DGKB: variants seen among roughly 807,000 people sequenced by gnomAD.
The protein encoded by DGKB is diacylglycerol kinase beta.
In DGKB, 67 loss-of-function variants were observed where a neutral mutation model predicts 114.3. The ratio of observed to expected loss-of-function variants is 0.59; its 90% CI spans 0.48 to 0.72. The LOEUF is 0.72. DGKB is among the 30% of genes least tolerant of loss of function. The pLI, the probability that DGKB is intolerant of heterozygous loss-of-function variation, is 0.00. For synonymous variants in DGKB, 398 were observed against 323.1 expected (o/e 1.23, Z -2.49); for missense variants, 907 against 975.2 (o/e 0.93, Z 0.93).
At chr7:14,649,467 G>C (rs1022845203) in intron 13 of DGKB, among the ~76,000 whole-genome samples, 1 of 151,422 alleles carries the variant, frequency 6.6e-6, no homozygotes, top group Admixed American at 6.6e-5. Flanking sequence ...TCACCACCAG[G>C]CCTGCCTTAC....
chr7:14,487,658 AGTGCAGTG>A (rs1784024477), intron 20 of DGKB, among the ~76,000 whole-genome samples: 1 of 112,572 alleles, frequency 8.9e-6, no homozygotes, highest in Non-Finnish European at 2.3e-5. Context: ...CATTGGCTGC[AGTGCAGTG>A]CAATAGCTCA....
Position 14,704,739 on chromosome 7 carries a change from T to C in DGKB, c.467-3009A>G, listed in dbSNP as rs12381341. 6.9e-3 allele frequency among the ~76,000 whole-genome samples: 1,051 copies of C among 151,586 alleles called. 15 individuals are homozygous for C. Among genetic ancestry groups the C allele is most frequent in the African/African-American group, 0.023 (962 of 41,326 alleles). ...CACCTCACACGGCAGGGTATTCCAA[T>C]AGACCTGCAGCTGAGGGTCCTGTCT... On this transcript the variant is annotated intron_variant, in intron 6 of 25. Transcript: ENST00000402815.
At chr7:14,709,932 A>G (rs1366344592) in intron 6 of DGKB, among the ~76,000 whole-genome samples, 1 of 151,154 alleles carries the variant, frequency 6.6e-6, no homozygotes, top group East Asian at 2.0e-4. Context: ...TAACCTGCAC[A>G]ATGTGCACAT....
intron 21 of DGKB, among the ~76,000 whole-genome samples, chr7:14,462,390 T>A (rs1470859968): frequency 1.3e-5 from 2 of 152,146 alleles, no homozygotes; most frequent in African/African-American, 2.4e-5. Context: ...CTTAAGCTGA[T>A]AAGCAACTTC....
chr7:14,169,897 A>G (rs1780595000), intron 25 of DGKB, among the ~76,000 whole-genome samples: 2 of 152,092 alleles, frequency 1.3e-5, no homozygotes, highest in South Asian at 2.1e-4. Context: ...CACTTTGGGC[A>G]GCCAAGGTGG....
At chr7:14,567,941 C>A (rs1185995409) in intron 20 of DGKB, among the ~76,000 whole-genome samples, 1 of 151,614 alleles carries the variant, frequency 6.6e-6, no homozygotes, top group East Asian at 1.9e-4. Context: ...TCCCATAACC[C>A]TAGAGCCTGA....
chr7:14,968,085 G>A (rs533764910), intron 1 of DGKB, among the ~76,000 whole-genome samples: 4 of 151,860 alleles, frequency 2.6e-5, no homozygotes, highest in South Asian at 2.1e-4. Flanking sequence ...TAATGCTACC[G>A]GTTGCAAATA....
At chr7:14,926,963 T>C (rs1019482608) in intron 1 of DGKB, among the ~76,000 whole-genome samples, 1 of 152,030 alleles carries the variant, frequency 6.6e-6, no homozygotes, top group Non-Finnish European at 1.5e-5. Context: ...TGAATATAAT[T>C]CTGAGCTTTC....
At chr7:14,276,675 T>C (rs1315022491) in intron 23 of DGKB, among the ~76,000 whole-genome samples, 2 of 121,370 alleles carry the variant, frequency 1.6e-5, no homozygotes, top group East Asian at 2.5e-4. Flanking sequence ...TTAAGTATTA[T>C]AAAAATAGTA....
At chr7:14,264,438 T>G (rs1797207751) in intron 23 of DGKB, among the ~76,000 whole-genome samples, 1 of 152,136 alleles carries the variant, frequency 6.6e-6, no homozygotes, top group Admixed American at 6.6e-5. Context: ...GTTGCTTTGT[T>G]TTTTTAGGCA....
intron 2 of DGKB, among the ~76,000 whole-genome samples, chr7:14,797,631 T>A (rs916669706): frequency 6.6e-6 from 1 of 152,132 alleles, no homozygotes; most frequent in South Asian, 2.1e-4. Flanking sequence ...AAAGGAATAT[T>A]TACCATCTAT....
At chr7:14,237,120 T>TA (rs1252158757) in intron 23 of DGKB, among the ~76,000 whole-genome samples, 1 of 152,026 alleles carries the variant, frequency 6.6e-6, no homozygotes, top group East Asian at 1.9e-4. Flanking sequence ...AGTCCAGCGT[T>TA]ACACTTGCCT....
At chr7:14,180,653 G>A (rs1447046014) in intron 23 of DGKB, among the ~76,000 whole-genome samples, 1 of 152,152 alleles carries the variant, frequency 6.6e-6, no homozygotes, top group African/African-American at 2.4e-5. Flanking sequence ...TGTGTTGCAC[G>A]AATTTGCCCC....
intron 13 of DGKB, among the ~76,000 whole-genome samples, chr7:14,648,174 G>A (rs1328119258): frequency 2.0e-5 from 3 of 152,216 alleles, no homozygotes; most frequent in African/African-American, 7.2e-5. Flanking sequence ...GCCTCTGTAG[G>A]CTCCACCTCT....
At chr7:14,919,847 T>C (rs1784429784) in intron 1 of DGKB, among the ~76,000 whole-genome samples, 1 of 152,094 alleles carries the variant, frequency 6.6e-6, no homozygotes, top group African/African-American at 2.4e-5. Flanking sequence ...TCCTCCCCTC[T>C]CTCTTGCTCC....
intron 1 of DGKB, among the ~76,000 whole-genome samples, chr7:14,871,822 G>A (rs939483528): frequency 2.6e-5 from 4 of 152,080 alleles, no homozygotes; most frequent in South Asian, 4.1e-4. Flanking sequence ...GTGATGGATG[G>A]CATCATGCAG....
chr7:14,666,685 T>A (rs1013329573), intron 13 of DGKB, among the ~76,000 whole-genome samples: 3 of 151,888 alleles, frequency 2.0e-5, no homozygotes, highest in Non-Finnish European at 4.4e-5. Flanking sequence ...AGGGGAGGAT[T>A]TAAGGAAATC....
Position 14,686,737 on chromosome 7 carries a change from A to T in DGKB, c.712-1375T>A, listed in dbSNP as rs139549448. Reference sequence around the variant, plus strand: ...TTCTTACATTAGAACCAGAAATGTCAAATTTGCCTCACAACATGAAACATT... The same window carrying T: ...TTCTTACATTAGAACCAGAAATGTCTAATTTGCCTCACAACATGAAACATT... On this transcript the variant is annotated intron_variant, in intron 9 of 25. Transcript: ENST00000402815. 1.4e-3 allele frequency among the ~76,000 whole-genome samples: 220 copies of T among 152,280 alleles called. 6 individuals carry two copies. In the East Asian group the frequency reaches 0.038, roughly 27 times the overall value.
At chr7:14,557,077 C>A (rs1159012535) in intron 20 of DGKB, among the ~76,000 whole-genome samples, 1 of 152,080 alleles carries the variant, frequency 6.6e-6, no homozygotes, top group Non-Finnish European at 1.5e-5. Context: ...ATTCTCAGCC[C>A]CCGTCCCCAA....
Sources: gnomAD v4.1 joint callset for allele counts (sites outside exome capture counted in the v4.1 genomes callset) on GRCh38, gnomAD v4.1.1 for gene constraint, MANE v1.5 for transcripts, NCBI Gene and HGNC (gene_info 2026-07-23, HGNC 2026-07-21) for gene names.